HSPBAP1: variants seen among roughly 807,000 people sequenced by gnomAD.
HSPBAP1 encodes HSPB1-associated protein 1.
A neutral mutation model predicts 45.2 loss-of-function variants in HSPBAP1; 27 were observed. The observed-to-expected ratio is 0.60, with a 90% confidence interval of 0.44 to 0.82. HSPBAP1 has a LOEUF of 0.82. Ranked by LOEUF, HSPBAP1 falls within the 40% of genes least tolerant of loss-of-function variation. HSPBAP1 has a pLI of 0.00. For synonymous variants in HSPBAP1, 204 were observed against 202.7 expected (o/e 1.01, Z -0.06); for missense variants, 510 against 590.9 (o/e 0.86, Z 1.42).
At chr3:122,740,897 T>A (rs753730794) in intron 7 of HSPBAP1, 22 bp from the exon 8 acceptor site, 1 of 1,611,510 alleles carries the variant, frequency 6.2e-7, no homozygotes, top group East Asian at 2.2e-5. Context: ...GAAAAACCTT[T>A]TAAAATGGTT....
At chr3:122,754,008 T>A (rs1206169053) in intron 5 of HSPBAP1, 2 of 527,258 alleles carry the variant, frequency 3.8e-6, no homozygotes, top group Non-Finnish European at 4.9e-6. Flanking sequence ...TAAAAAGAAA[T>A]TGGAACCCTC....
intron 7 of HSPBAP1, 38 bp from the exon 8 acceptor site, chr3:122,740,913 C>T (rs140963921): frequency 1.6e-5 from 25 of 1,609,722 alleles, no homozygotes; most frequent in African/African-American, 1.3e-4. Context: ...TGGTTACATA[C>T]ATTTAGTTAC....
intron 1 of HSPBAP1, among the ~76,000 whole-genome samples, chr3:122,779,885 G>A (rs1056589506): frequency 0.041 from 6,277 of 151,932 alleles, 361 homozygotes; most frequent in African/African-American, 0.14. Context: ...AGAACAAAAT[G>A]AAAAGTCTCC....
chr3:122,747,000 C>T (rs1271804323), intron 6 of HSPBAP1, among the ~76,000 whole-genome samples: 1 of 152,080 alleles, frequency 6.6e-6, no homozygotes, highest in African/African-American at 2.4e-5. Flanking sequence ...TCTCGGCTCG[C>T]TACAACCTCC....
At chr3:122,752,730 C>G in intron 5 of HSPBAP1, 56 bp from the exon 6 acceptor site, 1 of 1,486,576 alleles carries the variant, frequency 6.7e-7, no homozygotes, top group Non-Finnish European at 9.1e-7. Context: ...ATTTTTATGT[C>G]AGAATCAGAC....
At chr3:122,750,509 A>G (rs1934092073) in intron 6 of HSPBAP1, among the ~76,000 whole-genome samples, 1 of 143,528 alleles carries the variant, frequency 7.0e-6, no homozygotes, top group South Asian at 2.3e-4. Flanking sequence ...AAATATAAAT[A>G]CATCAATATC....
At chr3:122,771,087 C>T (rs1344773234) in intron 2 of HSPBAP1, among the ~76,000 whole-genome samples, 1 of 152,152 alleles carries the variant, frequency 6.6e-6, no homozygotes, top group Non-Finnish European at 1.5e-5. Flanking sequence ...AAGCTCTGCA[C>T]ATTAAAAAAT....
intron 1 of HSPBAP1, among the ~76,000 whole-genome samples, chr3:122,787,863 G>T (rs1399363635): frequency 1.3e-5 from 2 of 152,156 alleles, no homozygotes; most frequent in East Asian, 3.8e-4. Flanking sequence ...ACACCAAAAA[G>T]AATTTTTCAT....
At chr3:122,767,990 A>G (rs538252948) in intron 3 of HSPBAP1, among the ~76,000 whole-genome samples, 54 of 152,170 alleles carry the variant, frequency 3.5e-4, no homozygotes, top group Non-Finnish European at 6.2e-4. Flanking sequence ...GATGGCTCCC[A>G]TTCCTGCCCC....
At chr3:122,780,771 G>A (rs1391451552) in intron 1 of HSPBAP1, among the ~76,000 whole-genome samples, 50 of 148,788 alleles carry the variant, frequency 3.4e-4, no homozygotes, top group African/African-American at 8.7e-4. Flanking sequence ...GGCGGCTGCC[G>A]GGCGGAGGGG....
chr3:122,757,898 A>G (rs2107511394), intron 4 of HSPBAP1, among the ~76,000 whole-genome samples: 1 of 152,338 alleles, frequency 6.6e-6, no homozygotes, highest in South Asian at 2.1e-4. Context: ...TTAAGGTTTC[A>G]GCCTGTTAAC....
At chr3:122,763,232 A>G (rs2107517404) in intron 3 of HSPBAP1, among the ~76,000 whole-genome samples, 1 of 152,336 alleles carries the variant, frequency 6.6e-6, no homozygotes, top group East Asian at 1.9e-4. Flanking sequence ...GAACTGCCAA[A>G]CTAACCTGCA....
chr3:122,777,277 T>C (rs1305458106), intron 2 of HSPBAP1, among the ~76,000 whole-genome samples: 1 of 152,120 alleles, frequency 6.6e-6, no homozygotes, highest in Non-Finnish European at 1.5e-5. Context: ...ACCAAGTAAT[T>C]ATATACAACT....
rs574967926 is a variant in HSPBAP1, at chr3:122,768,940, T to G, written c.251-58A>C. On this transcript the variant is annotated intron_variant, in intron 2 of 7. Coordinates refer to ENST00000306103, the MANE Select transcript of HSPBAP1 (RefSeq NM_024610.6). ...TAATGAACACATTTCCTAATTATTG[T>G]TTTTTTTTTAAAATAAAGATAATTT... 1,891 of 963,820 alleles carry G rather than the reference T, an allele frequency of 2.0e-3. 5 individuals carry two copies. Among genetic ancestry groups the G allele is most frequent in the Non-Finnish European group, 2.5e-3 (1,681 of 676,840 alleles). 59.7% of individuals were successfully genotyped at this position (963,820 alleles called of 1,614,324 possible).
At chr3:122,780,603 G>T (rs1315012799) in intron 1 of HSPBAP1, among the ~76,000 whole-genome samples, 8 of 146,908 alleles carry the variant, frequency 5.4e-5, no homozygotes, top group Non-Finnish European at 1.0e-4. Context: ...CGGGCGGGGG[G>T]CTGACCCCCC....
chr3:122,756,513 C>A (rs1934361756), intron 4 of HSPBAP1, among the ~76,000 whole-genome samples: 1 of 151,932 alleles, frequency 6.6e-6, no homozygotes, highest in Non-Finnish European at 1.5e-5. Context: ...GGAAACATAG[C>A]AATACCTCAT....
At chr3:122,772,617 C>T (rs1333505193) in intron 2 of HSPBAP1, among the ~76,000 whole-genome samples, 1 of 150,726 alleles carries the variant, frequency 6.6e-6, no homozygotes, top group African/African-American at 2.4e-5. Flanking sequence ...CTACCATATA[C>T]CAAAATAAAT....
In HSPBAP1 at chr3:122,777,864, AT is replaced by A; in HGVS notation, c.106del (p.Ile36LeufsTer43). On this transcript the variant is annotated frameshift_variant, in exon 2 of 8. Transcript: ENST00000306103. LOFTEE classifies it high-confidence loss of function. ...KPFKPEKAKEIIMSLQQPAIF... is the reference protein window; with the variant it reads ...KPFKPEKAKEXIMSLQQPAIF... ...TGCAGGTTGTTGTAAAGACATGATA[AT>A]TTCTTTTGCTTTCTCTGGCTTAAAA... The A allele has an allele frequency of 6.8e-6, 11 of 1,613,640 alleles. No homozygotes were observed. The highest frequency in any genetic ancestry group is 9.3e-6 in the Non-Finnish European group (11 of 1,179,718).
chr3:122,753,444 G>C, intron 5 of HSPBAP1: 3 of 982,350 alleles, frequency 3.1e-6, no homozygotes, highest in Non-Finnish European at 2.4e-6. Context: ...TCTAAGTAGG[G>C]GGATGGTTAA....
Sources: gnomAD v4.1 joint callset for allele counts (sites outside exome capture counted in the v4.1 genomes callset) on GRCh38, gnomAD v4.1.1 for gene constraint, MANE v1.5 for transcripts, NCBI Gene and HGNC (gene_info 2026-07-23, HGNC 2026-07-21) for gene names.